The following CRACD variants were observed in gnomAD, a reference collection of about 807,000 sequenced individuals.
The protein encoded by CRACD is capping protein inhibiting regulator of actin dynamics.
CRACD carries 56 observed loss-of-function variants against 106.8 expected under a neutral mutation model. The observed-to-expected ratio is 0.52, with a 90% confidence interval of 0.42 to 0.66. The LOEUF is 0.66. Ranked by LOEUF, CRACD falls within the 30% of genes least tolerant of loss-of-function variation. CRACD has a pLI of 0.00. For synonymous variants in CRACD, 754 were observed against 670.8 expected (o/e 1.12, Z -1.92); for missense variants, 1,730 against 1,623.2 (o/e 1.07, Z -1.13).
At chr4:56,304,396 T>C (rs1413548397) in intron 4 of CRACD, among the ~76,000 whole-genome samples, 1 of 151,694 alleles carries the variant, frequency 6.6e-6, no homozygotes, top group East Asian at 1.9e-4. Flanking sequence ...TTATTTCAAT[T>C]CAGACTGTGA....
At chr4:56,237,328 C>A (rs942413599) in intron 2 of CRACD, among the ~76,000 whole-genome samples, 4 of 151,952 alleles carry the variant, frequency 2.6e-5, no homozygotes, top group Non-Finnish European at 5.9e-5. Flanking sequence ...TAAATAAATA[C>A]ATAATTTAAA....
chr4:56,133,541 T>C (rs1377198510), intron 1 of CRACD, among the ~76,000 whole-genome samples: 2 of 152,316 alleles, frequency 1.3e-5, no homozygotes, highest in East Asian at 3.9e-4. Flanking sequence ...TCAACAATAT[T>C]TACTGAGCAT....
intron 2 of CRACD, among the ~76,000 whole-genome samples, chr4:56,232,492 T>C (rs886294923): frequency 6.6e-5 from 10 of 152,112 alleles, no homozygotes; most frequent in Non-Finnish European, 1.3e-4. Context: ...TTCTCTTGGG[T>C]AAATACCTAG....
intron 2 of CRACD, among the ~76,000 whole-genome samples, chr4:56,243,638 A>T (rs1483330815): frequency 6.6e-6 from 1 of 151,944 alleles, no homozygotes; most frequent in Non-Finnish European, 1.5e-5. Context: ...TTTTATTTTT[A>T]ATTTTTGTGG....
intron 1 of CRACD, among the ~76,000 whole-genome samples, chr4:56,055,050 A>G (rs893046024): frequency 1.3e-5 from 2 of 152,218 alleles, no homozygotes; most frequent in African/African-American, 4.8e-5. Context: ...AATCAGAAGT[A>G]AATTTAGCCC....
At chr4:56,210,693 C>A (rs1035319475) in intron 2 of CRACD, among the ~76,000 whole-genome samples, 4 of 152,212 alleles carry the variant, frequency 2.6e-5, no homozygotes, top group African/African-American at 4.8e-5. Flanking sequence ...GACAGAGATA[C>A]CCTTACAAAT....
intron 3 of CRACD, among the ~76,000 whole-genome samples, chr4:56,284,292 TAAAAAAAA>T (rs59270238): frequency 3.5e-4 from 16 of 45,484 alleles, no homozygotes; most frequent in Admixed American, 1.2e-3. Context: ...CATCCTAAAG[TAAAAAAAA>T]AAAAAAAAAA....
intron 1 of CRACD, among the ~76,000 whole-genome samples, chr4:56,151,220 G>A (rs1337474631): frequency 1.3e-5 from 2 of 151,936 alleles, no homozygotes; most frequent in African/African-American, 4.8e-5. Context: ...TGCTGGTCTC[G>A]AACTCCTGAC....
intron 8 of CRACD, among the ~76,000 whole-genome samples, chr4:56,322,968 G>A (rs1317039442): frequency 1.3e-5 from 2 of 152,184 alleles, no homozygotes; most frequent in Non-Finnish European, 2.9e-5. Flanking sequence ...GGCAGAGGTT[G>A]CAATGTGCCG....
chr4:56,245,580 C>T (rs1740635459), intron 2 of CRACD, among the ~76,000 whole-genome samples: 1 of 152,208 alleles, frequency 6.6e-6, no homozygotes, highest in Non-Finnish European at 1.5e-5. Context: ...AATTAATCTT[C>T]CAGAAATGCT....
At chr4:56,164,908 T>C (rs1736086244) in intron 1 of CRACD, among the ~76,000 whole-genome samples, 1 of 152,208 alleles carries the variant, frequency 6.6e-6, no homozygotes, top group African/African-American at 2.4e-5. Context: ...TGCAATTTGG[T>C]TCAGAGTCCT....
At chr4:56,049,620 G>A (rs1013189923) in intron 1 of CRACD, among the ~76,000 whole-genome samples, 1 of 152,140 alleles carries the variant, frequency 6.6e-6, no homozygotes, top group African/African-American at 2.4e-5. Context: ...CCCGCGCCTC[G>A]CCATCCTGTC....
chr4:56,078,891 G>A (rs932062192), intron 1 of CRACD, among the ~76,000 whole-genome samples: 3 of 152,212 alleles, frequency 2.0e-5, no homozygotes. Flanking sequence ...GCAAGTAGTG[G>A]AGTGTGTTCA....
intron 1 of CRACD, among the ~76,000 whole-genome samples, chr4:56,077,588 A>G (rs1461289461): frequency 6.6e-6 from 1 of 152,206 alleles, no homozygotes; most frequent in African/African-American, 2.4e-5. Flanking sequence ...TCTTCCTTCT[A>G]GCAGTTCGTG....
intron 3 of CRACD, among the ~76,000 whole-genome samples, chr4:56,278,204 A>T (rs1028975490): frequency 3.9e-5 from 6 of 152,198 alleles, no homozygotes; most frequent in Non-Finnish European, 7.4e-5. Context: ...TAGCCAAAAC[A>T]TTATTGAAAA....
chr4:56,205,354 T>A (rs538299396), intron 2 of CRACD, among the ~76,000 whole-genome samples: 12 of 152,178 alleles, frequency 7.9e-5, no homozygotes, highest in African/African-American at 2.9e-4. Flanking sequence ...GAGTTACTAT[T>A]TGACCATCTG....
At chr4:56,074,074 G>A (rs1461100505) in intron 1 of CRACD, among the ~76,000 whole-genome samples, 1 of 151,748 alleles carries the variant, frequency 6.6e-6, no homozygotes, top group African/African-American at 2.4e-5. Context: ...ATCTGTTTTG[G>A]TATATACTGT....
At chr4:56,281,282 CT>C (rs1375206442) in intron 3 of CRACD, among the ~76,000 whole-genome samples, 1 of 152,070 alleles carries the variant, frequency 6.6e-6, no homozygotes, top group Non-Finnish European at 1.5e-5. Context: ...AGGTGGCGTG[CT>C]TTTTCTGAGA....
chr4:56,137,463 C>T (rs1321372923), intron 1 of CRACD, among the ~76,000 whole-genome samples: 1 of 152,120 alleles, frequency 6.6e-6, no homozygotes, highest in Non-Finnish European at 1.5e-5. Context: ...TGTATGACAA[C>T]AGTGGACGAG....
Sources: gnomAD v4.1 joint callset for allele counts (sites outside exome capture counted in the v4.1 genomes callset) on GRCh38, gnomAD v4.1.1 for gene constraint, MANE v1.5 for transcripts, NCBI Gene and HGNC (gene_info 2026-07-23, HGNC 2026-07-21) for gene names.